Variants in TMEM232 observed in about 807,000 individuals in gnomAD.
TMEM232 encodes transmembrane protein 232.
Under a neutral mutation model 78.8 loss-of-function variants are expected in TMEM232, and 80 were observed. The ratio of observed to expected loss-of-function variants is 1.01; its 90% confidence interval spans 0.85 to 1.22. The LOEUF is 1.22. Among genes scored for constraint, TMEM232 ranks in the 50% most tolerant of loss-of-function variants. TMEM232 has a pLI of 0.00. For missense variants in TMEM232, 881 were observed against 742.2 expected (o/e 1.19, Z -2.17); for synonymous variants, 297 against 254.3 (o/e 1.17, Z -1.60).
chr5:110,673,238 G>A (rs943272659), intron 1 of TMEM232, among the ~76,000 whole-genome samples: 1 of 151,388 alleles, frequency 6.6e-6, no homozygotes, highest in Non-Finnish European at 1.5e-5. Context: ...TCACTCACAG[G>A]TGGGAACTGA....
At chr5:110,511,507 C>G (rs185721855) in intron 12 of TMEM232, among the ~76,000 whole-genome samples, 1 of 151,344 alleles carries the variant, frequency 6.6e-6, no homozygotes, top group East Asian at 1.9e-4. Flanking sequence ...TATAATACTA[C>G]ATTAATATAT....
At chr5:110,417,684 A>C (rs2112594563), downstream of TMEM232, 1 of 151,186 alleles carries the variant, frequency 6.6e-6, no homozygotes, top group Non-Finnish European at 1.5e-5. Context: ...AAAGATGCAA[A>C]AGAAAAGAAA....
chr5:110,425,836 T>C, intron 12 of TMEM232, among the ~76,000 whole-genome samples: 1 of 152,122 alleles, frequency 6.6e-6, no homozygotes, highest in East Asian at 1.9e-4. Context: ...GTAGCCAGAA[T>C]TGTTTTCAAA....
intron 1 of TMEM232, among the ~76,000 whole-genome samples, chr5:110,669,966 T>C (rs1265142873): frequency 1.3e-5 from 2 of 152,170 alleles, no homozygotes; most frequent in African/African-American, 2.4e-5. Flanking sequence ...AAATTAGGTA[T>C]TGATGGGACA....
intron 12 of TMEM232, among the ~76,000 whole-genome samples, chr5:110,492,980 T>A (rs546069294): frequency 1.7e-4 from 26 of 151,958 alleles, no homozygotes; most frequent in South Asian, 1.0e-3. Context: ...GTGCTATGAT[T>A]GATAACTATT....
At chr5:110,629,818 T>C (rs1284756353) in intron 5 of TMEM232, among the ~76,000 whole-genome samples, 1 of 152,176 alleles carries the variant, frequency 6.6e-6, no homozygotes, top group Non-Finnish European at 1.5e-5. Flanking sequence ...TGCTTATATG[T>C]TATTCTCTAT....
intron 10 of TMEM232, among the ~76,000 whole-genome samples, chr5:110,588,789 G>A (rs1779159731): frequency 6.6e-6 from 1 of 152,120 alleles, no homozygotes; most frequent in Non-Finnish European, 1.5e-5. Context: ...TTTGTTCACT[G>A]TTTGCAAACA....
chr5:110,566,204 T>G (rs1776319825), intron 11 of TMEM232, among the ~76,000 whole-genome samples: 1 of 151,946 alleles, frequency 6.6e-6, no homozygotes, highest in Non-Finnish European at 1.5e-5. Context: ...TACTTTCAAT[T>G]TAAACTTTTT....
chr5:110,542,182 C>A (rs978298537), intron 11 of TMEM232, among the ~76,000 whole-genome samples: 1 of 152,080 alleles, frequency 6.6e-6, no homozygotes, highest in Non-Finnish European at 1.5e-5. Flanking sequence ...AAGTAAATGC[C>A]CACCAACTTT....
intron 1 of TMEM232, among the ~76,000 whole-genome samples, chr5:110,697,801 G>A (rs1049265905): frequency 1.3e-5 from 2 of 152,090 alleles, no homozygotes; most frequent in Admixed American, 1.3e-4. Flanking sequence ...GGAAACAACA[G>A]GTCCTAGAGA....
chr5:110,689,907 T>C (rs1207503478), intron 1 of TMEM232, among the ~76,000 whole-genome samples: 4 of 152,134 alleles, frequency 2.6e-5, no homozygotes, highest in Admixed American at 6.5e-5. Context: ...ATTTAATAAA[T>C]GGTATTGGGA....
At chr5:110,431,848 A>T (rs1757891090) in intron 12 of TMEM232, among the ~76,000 whole-genome samples, 1 of 151,664 alleles carries the variant, frequency 6.6e-6, no homozygotes, top group Non-Finnish European at 1.5e-5. Flanking sequence ...CAAGGGAAAA[A>T]ACAGGCAGAA....
chr5:110,536,438 A>G (rs115010978), intron 11 of TMEM232, among the ~76,000 whole-genome samples: 3,046 of 152,298 alleles, frequency 0.02, 101 homozygotes, highest in African/African-American at 0.068. Flanking sequence ...ACTCTTTTCT[A>G]TCTTTTCTGA....
chr5:110,696,746 T>G (rs1794832435), intron 1 of TMEM232, among the ~76,000 whole-genome samples: 1 of 151,780 alleles, frequency 6.6e-6, no homozygotes, highest in South Asian at 2.1e-4. Context: ...TTATAAGGGA[T>G]GGGAAGGACC....
chr5:110,570,578 T>C (rs549619039), intron 10 of TMEM232, among the ~76,000 whole-genome samples: 2 of 152,120 alleles, frequency 1.3e-5, no homozygotes, highest in East Asian at 3.9e-4. Flanking sequence ...AGAAGACTTG[T>C]CCAATAGGTA....
intron 11 of TMEM232, among the ~76,000 whole-genome samples, chr5:110,543,471 T>C (rs1038009986): frequency 6.6e-6 from 1 of 152,210 alleles, no homozygotes; most frequent in Non-Finnish European, 1.5e-5. Flanking sequence ...CTGTGCACTA[T>C]GAAAGATCTG....
intron 10 of TMEM232, among the ~76,000 whole-genome samples, chr5:110,604,096 TG>T (rs1170461946): frequency 6.6e-6 from 1 of 152,170 alleles, no homozygotes; most frequent in Non-Finnish European, 1.5e-5. Context: ...TGCTAGATGC[TG>T]GGTTACTAGA....
At chr5:110,553,340 TATTG>T (rs1774690020) in intron 11 of TMEM232, among the ~76,000 whole-genome samples, 1 of 152,188 alleles carries the variant, frequency 6.6e-6, no homozygotes, top group South Asian at 2.1e-4. Flanking sequence ...ATTTAAACAT[TATTG>T]ATTCATTGTA....
chr5:110,731,498 T>A (rs1002781262), upstream of TMEM232, among the ~76,000 whole-genome samples: 2 of 152,202 alleles, frequency 1.3e-5, no homozygotes, highest in Non-Finnish European at 2.9e-5. Flanking sequence ...TTTCCATACA[T>A]CTTCGGAAAT....
Sources: gnomAD v4.1 joint callset for allele counts (sites outside exome capture counted in the v4.1 genomes callset) on GRCh38, gnomAD v4.1.1 for gene constraint, MANE v1.5 for transcripts, NCBI Gene and HGNC (gene_info 2026-07-23, HGNC 2026-07-21) for gene names.